The following KCNK2 variants were observed in gnomAD, a reference collection of about 807,000 sequenced individuals.
The protein encoded by KCNK2 is potassium channel subfamily K member 2.
A neutral mutation model predicts 40.5 loss-of-function variants in KCNK2; 21 were observed. The ratio of observed to expected loss-of-function variants is 0.52; its 90% CI spans 0.37 to 0.75. KCNK2 has a LOEUF of 0.75. KCNK2 is among the 30% of genes least tolerant of loss of function. The pLI is 0.00. For missense variants in KCNK2, 399 were observed against 531.6 expected (o/e 0.75, Z 2.45); for synonymous variants, 191 against 202.2 (o/e 0.94, Z 0.47).
chr1:215,235,021 T>C lies in KCNK2; in HGVS notation c.1157T>C (p.Val386Ala). Residue 386 changes from valine (V) to alanine (A), a missense_variant, in exon 7 of 7, where the codon GTG becomes GCG. Physicochemically the swap from Val to Ala is moderately conservative, Grantham distance 64 (BLOSUM62 0). Coordinates refer to ENST00000444842, the MANE Select transcript of KCNK2 (RefSeq NM_001017425.3). ...ACTCCTTGTAGGAGGACCCTGTCAG[T>C]GAACCACCTGACCAGCGAGAGGGAT... Reference protein sequence around the residue: ...ELTPCRRTLSVNHLTSERDVL... With the variant: ...ELTPCRRTLSANHLTSERDVL... The C allele has an allele frequency of 6.2e-7, 1 of 1,614,050 alleles. No individual in the cohort carries two copies. The highest frequency in any genetic ancestry group is 8.5e-7 in the Non-Finnish European group (1 of 1,179,986).
intron 2 of KCNK2, among the ~76,000 whole-genome samples, chr1:215,103,219 A>T (rs1195199042): frequency 6.6e-6 from 1 of 151,930 alleles, no homozygotes; most frequent in East Asian, 1.9e-4. Flanking sequence ...AGCTGCTACT[A>T]GGTATTGAAT....
intron 3 of KCNK2, among the ~76,000 whole-genome samples, chr1:215,148,601 A>G (rs1194256486): frequency 2.6e-5 from 4 of 152,154 alleles, no homozygotes; most frequent in Non-Finnish European, 5.9e-5. Flanking sequence ...GCAAATCCCT[A>G]TACAAGATAT....
At chr1:215,169,792 C>T (rs1359731248) in intron 4 of KCNK2, among the ~76,000 whole-genome samples, 3 of 151,858 alleles carry the variant, frequency 2.0e-5, no homozygotes, top group South Asian at 4.2e-4. Context: ...ATTATAGGCA[C>T]CCGCCACCAT....
intron 1 of KCNK2, among the ~76,000 whole-genome samples, chr1:215,055,781 C>A (rs963044421): frequency 6.6e-6 from 1 of 152,148 alleles, no homozygotes; most frequent in East Asian, 1.9e-4. Flanking sequence ...TGCCATTGAC[C>A]TTTTGATGTA....
intron 1 of KCNK2, among the ~76,000 whole-genome samples, chr1:215,060,412 G>T (rs1055603141): frequency 6.6e-6 from 1 of 152,076 alleles, no homozygotes; most frequent in East Asian, 1.9e-4. Context: ...TTGTAGCCTA[G>T]ACACTGTCTT....
In KCNK2 at chr1:215,132,328, C is replaced by T. The variant is rs563799170; in HGVS notation, c.475+7578C>T. Among the ~76,000 whole-genome samples the T allele has an allele frequency of 1.9e-4, 29 of 152,294 alleles. No individual in the cohort carries two copies. The South Asian group carries it at 2.7e-3, about 14-fold the overall frequency. ...CAGTAAGCCTTTTCCCAAAGGATGT[C>T]GTCATTGTAGCTCTGCCTGTTGGGT... is the stretch of plus-strand genomic sequence containing the variant. On this transcript the variant is annotated intron_variant, in intron 3 of 6. Coordinates refer to ENST00000444842, the MANE Select transcript of KCNK2 (RefSeq NM_001017425.3).
chr1:215,116,702 G>T (rs1251734038), intron 2 of KCNK2, among the ~76,000 whole-genome samples: 1 of 152,068 alleles, frequency 6.6e-6, no homozygotes, highest in Non-Finnish European at 1.5e-5. Context: ...CTGGTGTGCA[G>T]AAACTGCCTT....
intron 2 of KCNK2, among the ~76,000 whole-genome samples, chr1:215,091,621 C>A (rs541259017): frequency 1.3e-5 from 2 of 152,060 alleles, no homozygotes; most frequent in Admixed American, 1.3e-4. Flanking sequence ...TTGTACCATC[C>A]GTGAGTTTAC....
chr1:215,005,755 A>G (rs886125397), upstream of KCNK2: 6 of 606,016 alleles, frequency 9.9e-6, no homozygotes, highest in Non-Finnish European at 1.8e-5. Flanking sequence ...GTTTTTGTAC[A>G]GGAAACTGAT....
intron 2 of KCNK2, among the ~76,000 whole-genome samples, chr1:215,093,264 C>T (rs971491083): frequency 6.7e-6 from 1 of 149,540 alleles, no homozygotes. Flanking sequence ...TCTATGCTGC[C>T]AGACCTCCAA....
At chr1:215,073,020 G>C (rs945945890) in intron 1 of KCNK2, among the ~76,000 whole-genome samples, 1 of 152,120 alleles carries the variant, frequency 6.6e-6, no homozygotes, top group East Asian at 1.9e-4. Flanking sequence ...AATATGAATG[G>C]TGTCCTTTAA....
chr1:215,169,463 G>GAA, intron 4 of KCNK2, 104 bp downstream of exon 4: 1 of 864,606 alleles, frequency 1.2e-6, no homozygotes, highest in Non-Finnish European at 1.8e-6. Context: ...CAATTATTAG[G>GAA]GCTTCCATAA....
chr1:215,007,207 A>ATGTGTG (rs1558054306), intron 1 of KCNK2, among the ~76,000 whole-genome samples: 2 of 111,422 alleles, frequency 1.8e-5, no homozygotes, highest in African/African-American at 8.4e-5. Flanking sequence ...ATATATATAT[A>ATGTGTG]TATATATATA....
chr1:215,196,421 C>T (rs1020906225), intron 6 of KCNK2, among the ~76,000 whole-genome samples: 4 of 152,096 alleles, frequency 2.6e-5, no homozygotes, highest in African/African-American at 9.7e-5. Context: ...CCCAAGGTGC[C>T]TGTGTGAACT....
At chr1:215,080,326 A>G (rs938856064), upstream of KCNK2, among the ~76,000 whole-genome samples, 2 of 152,234 alleles carry the variant, frequency 1.3e-5, no homozygotes, top group Non-Finnish European at 2.9e-5. Context: ...ATGAAAAAGA[A>G]TAATCGAATT....
At chr1:215,119,742 C>T (rs1661097430) in intron 2 of KCNK2, among the ~76,000 whole-genome samples, 1 of 152,100 alleles carries the variant, frequency 6.6e-6, no homozygotes, top group African/African-American at 2.4e-5. Context: ...CATAAGTTGT[C>T]AACATGACTT....
intron 6 of KCNK2, among the ~76,000 whole-genome samples, chr1:215,198,714 A>G (rs893385296): frequency 1.3e-5 from 2 of 152,204 alleles, no homozygotes; most frequent in African/African-American, 4.8e-5. Flanking sequence ...AAGAAATAAC[A>G]AAGTTATTTC....
intron 1 of KCNK2, among the ~76,000 whole-genome samples, chr1:215,059,430 T>C (rs1391521988): frequency 7.2e-6 from 1 of 138,436 alleles, no homozygotes; most frequent in African/African-American, 2.5e-5. Flanking sequence ...CTCCCTTAAT[T>C]TGGTAAGTTA....
Position 215,011,763 on chromosome 1 carries a change from G to A in KCNK2, c.34+5808G>A, listed in dbSNP as rs560654677. 7.2e-5 allele frequency among the ~76,000 whole-genome samples: 11 copies of A among 151,968 alleles called. 1 individual carries two copies. Among genetic ancestry groups the A allele is most frequent in the African/African-American group, 2.7e-4 (11 of 41,446 alleles). On this transcript the variant is annotated intron_variant, in intron 1 of 6. Transcript: ENST00000391895. The stretch of plus-strand genomic sequence containing the variant: ...TGGGACTACAGGCGCGTGCTACCAC[G>A]CCCAGCTATATTTTTTGTATTTTTA...
Sources: allele counts gnomAD v4.1 joint callset (sites outside exome capture counted in the v4.1 genomes callset), GRCh38; gene constraint gnomAD v4.1.1; transcripts MANE v1.5; gene names NCBI Gene and HGNC (gene_info 2026-07-23, HGNC 2026-07-21).